Variants in CCDC141 observed in about 807,000 individuals in gnomAD.
CCDC141 encodes coiled-coil domain containing 141, also known as coiled-coil domain-containing protein 141.
In CCDC141, 168 loss-of-function variants were observed where a neutral mutation model predicts 181.0. The ratio of observed to expected loss-of-function variants is 0.93; its 90% CI spans 0.82 to 1.05. The LOEUF (loss-of-function observed/expected upper bound fraction) is 1.05, where lower values mean the gene tolerates loss of function less well. CCDC141 is among the 50% of genes least tolerant of loss of function. The pLI is 0.00. For missense variants in CCDC141, 1,902 were observed against 1,788.5 expected (o/e 1.06, Z -1.14); for synonymous variants, 666 against 642.3 (o/e 1.04, Z -0.56).
At chr2:178,922,715 C>A (rs1204385240) in intron 6 of CCDC141, among the ~76,000 whole-genome samples, 1 of 152,218 alleles carries the variant, frequency 6.6e-6, no homozygotes. Flanking sequence ...CATAAATCTG[C>A]CTTCAGTATA....
At chr2:179,007,210 C>T (rs569013813) in intron 2 of CCDC141, among the ~76,000 whole-genome samples, 78 of 152,248 alleles carry the variant, frequency 5.1e-4, no homozygotes, top group African/African-American at 1.8e-3. Flanking sequence ...AGCTGACTGG[C>T]CATACCATCA....
intron 4 of CCDC141, among the ~76,000 whole-genome samples, chr2:178,971,938 AG>A (rs1690909182): frequency 6.6e-6 from 1 of 152,100 alleles, no homozygotes; most frequent in Non-Finnish European, 1.5e-5. Flanking sequence ...GGTGTGGGTT[AG>A]GGGAAGGATA....
chr2:178,817,969 A>T, the CCDC141 span, among the ~76,000 whole-genome samples: 934 of 152,090 alleles, frequency 6.1e-3, 14 homozygotes, highest in African/African-American at 0.021. Context: ...TGCCTGCCTA[A>T]TTTTTGTATT....
chr2:178,817,730 T>A, the CCDC141 span: 2 of 307,246 alleles, frequency 6.5e-6, no homozygotes, highest in Non-Finnish European at 1.3e-5. Context: ...TGTGTAATAT[T>A]TTCGTTCTCT....
chr2:179,049,585 TTTTC>T (rs2043610552), intron 1 of CCDC141, among the ~76,000 whole-genome samples: 2 of 149,738 alleles, frequency 1.3e-5, no homozygotes, highest in African/African-American at 2.5e-5. Flanking sequence ...TTTTTCTTTC[TTTTC>T]TTTTTTTTTT....
chr2:178,913,176 C>A (rs1382557236), intron 7 of CCDC141, among the ~76,000 whole-genome samples: 2 of 152,044 alleles, frequency 1.3e-5, no homozygotes, highest in East Asian at 1.9e-4. Flanking sequence ...TAGCTGAATG[C>A]AAATATGGAA....
intron 20 of CCDC141, among the ~76,000 whole-genome samples, chr2:178,851,004 G>T (rs538910581): frequency 3.9e-5 from 6 of 152,030 alleles, no homozygotes; most frequent in African/African-American, 1.4e-4. Flanking sequence ...TCAGGAGTTC[G>T]AGACCAGCCT....
intron 12 of CCDC141, 38 bp from the exon 13 acceptor site, chr2:178,872,350 C>G (rs1242804799): frequency 6.5e-7 from 1 of 1,535,726 alleles, no homozygotes; most frequent in Non-Finnish European, 8.9e-7. Flanking sequence ...CTTTTCTTTC[C>G]CAAGAGATAC....
intron 2 of CCDC141, among the ~76,000 whole-genome samples, chr2:178,984,962 G>A (rs1411756264): frequency 0.021 from 3,194 of 149,646 alleles, 51 homozygotes; most frequent in African/African-American, 0.049. Context: ...TGCACCAAGC[G>A]GACCTAATAG....
intron 17 of CCDC141, among the ~76,000 whole-genome samples, chr2:178,865,466 G>T (rs1685803948): frequency 6.6e-6 from 1 of 151,934 alleles, no homozygotes; most frequent in Non-Finnish European, 1.5e-5. Flanking sequence ...GGGAGAAGGG[G>T]GAAGCAAAAA....
the CCDC141 span, among the ~76,000 whole-genome samples, chr2:178,822,139 C>A: frequency 1.3e-5 from 2 of 151,812 alleles, no homozygotes; most frequent in Non-Finnish European, 2.9e-5. Flanking sequence ...CCATCATTCT[C>A]AGCAAACTAT....
chr2:178,970,745 G>T (rs545549813), intron 4 of CCDC141, among the ~76,000 whole-genome samples: 46 of 152,154 alleles, frequency 3.0e-4, no homozygotes, highest in Non-Finnish European at 5.6e-4. Flanking sequence ...AAAAGCAATG[G>T]CAACAAAAGC....
intron 8 of CCDC141, among the ~76,000 whole-genome samples, chr2:178,900,340 G>A (rs1298048388): frequency 6.6e-6 from 1 of 151,828 alleles, no homozygotes; most frequent in Non-Finnish European, 1.5e-5. Context: ...GCAAAAGAGG[G>A]GAAAAGAAAA....
At chr2:178,872,636 G>C (rs369531570) in intron 12 of CCDC141, among the ~76,000 whole-genome samples, 2 of 152,124 alleles carry the variant, frequency 1.3e-5, no homozygotes, top group African/African-American at 4.8e-5. Context: ...TAAAAAATGC[G>C]TATACCTATA....
chr2:178,855,535 T>A lies in CCDC141; in HGVS notation c.2872A>T (p.Lys958Ter), dbSNP rs1275860552. The A allele has an allele frequency of 3.8e-6, 6 of 1,575,574 alleles. No homozygotes were observed. In the South Asian group the frequency reaches 6.1e-5, roughly 16 times the overall value. Residue 958 changes from lysine to a stop codon, truncating the protein, a stop_gained, in exon 19 of 24, where the codon AAA becomes TAA. Transcript: ENST00000443758. LOFTEE classifies it high-confidence loss of function. ...DMYAEKMQALKRKMEKVSNKT... is the reference protein window; with the variant it reads ...DMYAEKMQAL The stretch of plus-strand genomic sequence containing the variant: ...TTACTAACTTTTTCCATTTTCCTTT[T>A]CAAAGCCTGTGTGAAAAACAAAAAG...
At chr2:178,983,908 A>C (rs1415493063) in intron 2 of CCDC141, among the ~76,000 whole-genome samples, 1 of 150,780 alleles carries the variant, frequency 6.6e-6, no homozygotes, top group Non-Finnish European at 1.5e-5. Flanking sequence ...ATTATCCAGG[A>C]GAATTTCCCC....
At position 179,027,514 on chromosome 2, in the gene CCDC141, G is replaced by A. The variant is rs543780165; in HGVS notation, c.225+19770C>T. Among the ~76,000 whole-genome samples, 140 of 151,548 alleles carry A rather than the reference G, an allele frequency of 9.2e-4. 1 individual carries two copies. The highest frequency in any genetic ancestry group is 2.9e-3 in the African/African-American group (121 of 41,300). ...AAAAAAAATAGCTGGGCATGGTGGC[G>A]GGTGCCTGTAGTCCCAGCTACTTGG... On this transcript the variant is annotated intron_variant, in intron 2 of 23. Coordinates refer to ENST00000443758, the MANE Select transcript of CCDC141 (RefSeq NM_173648.4).
At chr2:178,948,649 C>A (rs1213202605) in intron 5 of CCDC141, among the ~76,000 whole-genome samples, 1 of 152,106 alleles carries the variant, frequency 6.6e-6, no homozygotes, top group Non-Finnish European at 1.5e-5. Flanking sequence ...CAGGAGCGGA[C>A]CCCTCATGAA....
intron 2 of CCDC141, among the ~76,000 whole-genome samples, chr2:179,003,276 C>T (rs2042034315): frequency 6.6e-6 from 1 of 152,102 alleles, no homozygotes; most frequent in Non-Finnish European, 1.5e-5. Context: ...ATGAATTTGC[C>T]TTGAGTGGCC....
Sources: gnomAD v4.1 joint callset for allele counts (sites outside exome capture counted in the v4.1 genomes callset) on GRCh38, gnomAD v4.1.1 for gene constraint, MANE v1.5 for transcripts, NCBI Gene and HGNC (gene_info 2026-07-23, HGNC 2026-07-21) for gene names.